Variants in DCLK1 observed in about 807,000 individuals in gnomAD.
The protein encoded by DCLK1 is doublecortin like kinase 1, also known as serine/threonine-protein kinase DCLK1.
In DCLK1, 16 loss-of-function variants were observed where a neutral mutation model predicts 86.2. The ratio of observed to expected loss-of-function variants is 0.19; its 90% CI spans 0.13 to 0.28. The LOEUF is 0.28. Ranked by LOEUF, DCLK1 falls within the 10% of genes least tolerant of loss-of-function variation. DCLK1 has a pLI of 1.00. For synonymous variants in DCLK1, 369 were observed against 370.5 expected (o/e 1.00, Z 0.05); for missense variants, 590 against 940.2 (o/e 0.63, Z 4.87).
intron 4 of DCLK1, among the ~76,000 whole-genome samples, chr13:35,919,688 C>T (rs4943352): frequency 0.13 from 19,993 of 151,894 alleles, 1,625 homozygotes; most frequent in Non-Finnish European, 0.18. Context: ...TGGCTGGGAG[C>T]GGTGGCTCAT....
chr13:35,931,564 T>G (rs1593743674), intron 4 of DCLK1, among the ~76,000 whole-genome samples: 1 of 152,176 alleles, frequency 6.6e-6, no homozygotes, highest in East Asian at 1.9e-4. Flanking sequence ...CAATGCTCTT[T>G]GAAGCCCCCA....
chr13:36,078,738 T>A (rs552352846), intron 3 of DCLK1, among the ~76,000 whole-genome samples: 1 of 152,306 alleles, frequency 6.6e-6, no homozygotes, highest in Non-Finnish European at 1.5e-5. Context: ...TTTCAAATGG[T>A]CTTATTTTAT....
chr13:35,898,810 C>T (rs183832063), intron 4 of DCLK1, among the ~76,000 whole-genome samples: 54 of 152,126 alleles, frequency 3.5e-4, no homozygotes, highest in African/African-American at 9.2e-4. Context: ...GGCACGATCT[C>T]GGCTCACAGC....
At chr13:36,082,099 A>G (rs1884439988) in intron 3 of DCLK1, among the ~76,000 whole-genome samples, 1 of 152,054 alleles carries the variant, frequency 6.6e-6, no homozygotes, top group Admixed American at 6.6e-5. Context: ...TTATACGCAG[A>G]TTTTTTTCAA....
intron 3 of DCLK1, among the ~76,000 whole-genome samples, chr13:35,974,454 C>A (rs67867249): frequency 0.22 from 32,931 of 152,106 alleles, 3,779 homozygotes; most frequent in Middle Eastern, 0.33. Context: ...TATGTCCCCA[C>A]CCAAGTCTCA....
intron 16 of DCLK1, among the ~76,000 whole-genome samples, chr13:35,786,137 T>C (rs1200499631): frequency 2.6e-5 from 4 of 152,220 alleles, no homozygotes; most frequent in Non-Finnish European, 5.9e-5. Context: ...GAACCATCAC[T>C]AGGATTTTAG....
chr13:36,102,564 A>G (rs1455175101), intron 3 of DCLK1, among the ~76,000 whole-genome samples: 1 of 152,230 alleles, frequency 6.6e-6, no homozygotes, highest in African/African-American at 2.4e-5. Context: ...CAGAAAGAGA[A>G]CTACCTTGTG....
chr13:36,059,380 T>C (rs1883454950), intron 3 of DCLK1, among the ~76,000 whole-genome samples: 1 of 151,276 alleles, frequency 6.6e-6, no homozygotes, highest in African/African-American at 2.5e-5. Flanking sequence ...GCTAGAAACT[T>C]GGCATTTAAA....
intron 4 of DCLK1, among the ~76,000 whole-genome samples, chr13:35,909,069 C>G (rs1874846755): frequency 6.6e-6 from 1 of 152,214 alleles, no homozygotes; most frequent in South Asian, 2.1e-4. Flanking sequence ...AGACAGGCTC[C>G]TAATTAGATC....
rs116021144 is a variant in DCLK1 at position 35,798,827 on chromosome 13, T to G, written c.1945-5348A>C. Among the ~76,000 whole-genome samples the G allele has an allele frequency of 2.9e-3, 445 of 152,330 alleles. 5 individuals are homozygous for G. The highest frequency in any genetic ancestry group is 0.01 in the African/African-American group (430 of 41,574). On this transcript the variant is annotated intron_variant, in intron 15 of 16. Transcript: ENST00000360631. ...CACAATAAGATGAATGTTTACATTT[T>G]TGTGTGTGTGGGTAGGGCTGAGTTT...
intron 4 of DCLK1, among the ~76,000 whole-genome samples, chr13:35,935,414 A>C (rs1439363504): frequency 6.6e-6 from 1 of 152,172 alleles, no homozygotes; most frequent in Non-Finnish European, 1.5e-5. Context: ...ATGATGAGGA[A>C]CTGACCTAAG....
intron 3 of DCLK1, among the ~76,000 whole-genome samples, chr13:36,101,393 T>C (rs1325712915): frequency 6.6e-6 from 1 of 152,222 alleles, no homozygotes; most frequent in Non-Finnish European, 1.5e-5. Flanking sequence ...AAATTGCTGC[T>C]GGCAATCATA....
Position 35,825,113 on chromosome 13 carries a change from C to T in DCLK1, c.1408-2238G>A, listed in dbSNP as rs568083774. Among the ~76,000 whole-genome samples, 5 of 152,346 alleles carry T rather than the reference C, an allele frequency of 3.3e-5. No individual in the cohort carries two copies. In the East Asian group the frequency reaches 9.6e-4, roughly 29 times the overall value. On this transcript the variant is annotated intron_variant, in intron 10 of 16. Transcript: ENST00000360631. ...GAGCATGGAATTTCATTCTCATTAA[C>T]TGCCGATCCACTGCCGTCCGGAACA...
chr13:35,890,878 CTGT>C (rs1873601533), intron 4 of DCLK1, among the ~76,000 whole-genome samples: 1 of 51,336 alleles, frequency 1.9e-5, no homozygotes, highest in African/African-American at 4.4e-5. Flanking sequence ...GCTTTTTTTT[CTGT>C]TTTTTTTTTC....
intron 4 of DCLK1, among the ~76,000 whole-genome samples, chr13:35,911,862 G>T (rs1171385179): frequency 2.0e-5 from 3 of 152,146 alleles, no homozygotes; most frequent in African/African-American, 7.2e-5. Flanking sequence ...TGGGCTGATT[G>T]TTTTGTTGTT....
chr13:35,813,920 A>C (rs1408701681), intron 11 of DCLK1, among the ~76,000 whole-genome samples: 4 of 152,114 alleles, frequency 2.6e-5, no homozygotes, highest in Admixed American at 6.6e-5. Flanking sequence ...CAGGTGAATA[A>C]ATGTCCAGTC....
At position 36,075,988 on chromosome 13, in the gene DCLK1, G is replaced by A. The variant is rs575389484; in HGVS notation, c.723+35881C>T. On this transcript the variant is annotated intron_variant, in intron 3 of 16. Transcript: ENST00000360631. ...TGCAGTGAGCTGAGACTGCACCACTGCACTCCAGCCTGGGCAACGGAAGCA... is the reference window on the plus strand; with the variant it reads ...TGCAGTGAGCTGAGACTGCACCACTACACTCCAGCCTGGGCAACGGAAGCA... Among the ~76,000 whole-genome samples the A allele has an allele frequency of 2.6e-5, 4 of 152,300 alleles. No individual in the cohort carries two copies. In the East Asian group the frequency reaches 7.7e-4, roughly 29 times the overall value.
intron 13 of DCLK1, 141 bp from the exon 14 acceptor site, chr13:35,808,461 C>T: frequency 1.3e-6 from 1 of 769,158 alleles, no homozygotes; most frequent in Non-Finnish European, 2.2e-6. Context: ...TGAAAAATGT[C>T]AATGTGGATC....
intron 3 of DCLK1, among the ~76,000 whole-genome samples, chr13:36,085,984 T>G (rs1401540853): frequency 6.6e-6 from 1 of 152,204 alleles, no homozygotes; most frequent in East Asian, 1.9e-4. Context: ...GAAGAAATCT[T>G]TAAAGAAAAG....
Sources: gnomAD v4.1 joint callset for allele counts (sites outside exome capture counted in the v4.1 genomes callset) on GRCh38, gnomAD v4.1.1 for gene constraint, MANE v1.5 for transcripts, NCBI Gene and HGNC (gene_info 2026-07-23, HGNC 2026-07-21) for gene names.